Variants in NIPBL observed in about 807,000 individuals in gnomAD.
NIPBL encodes the protein nipped-B-like protein.
NIPBL carries 19 observed loss-of-function variants against 321.8 expected under a neutral mutation model. The observed-to-expected ratio is 0.06, with a 90% confidence interval of 0.04 to 0.09. NIPBL has a LOEUF of 0.09. Ranked by LOEUF, NIPBL falls within the 10% of genes least tolerant of loss-of-function variation. The pLI, the probability that NIPBL is intolerant of heterozygous loss-of-function variation, is 1.00. For synonymous variants in NIPBL, 1,106 were observed against 1,114.1 expected, an observed-to-expected ratio of 0.99 and a Z score of 0.14; for missense variants, 2,210 against 3,327.0, an observed-to-expected ratio of 0.66 and a Z score of 8.26.
At chr5:37,013,079 G>T (rs1431314136) in intron 21 of NIPBL, among the ~76,000 whole-genome samples, 3 of 150,102 alleles carry the variant, frequency 2.0e-5, no homozygotes, top group Non-Finnish European at 4.5e-5. Context: ...GGGGCAGCTG[G>T]CCGGGCAGAG....
chr5:37,017,635 G>A (rs1229170633), intron 24 of NIPBL, among the ~76,000 whole-genome samples: 2 of 150,604 alleles, frequency 1.3e-5, no homozygotes, highest in Admixed American at 6.6e-5. Flanking sequence ...TGGATGAAGT[G>A]GTAGTAATAA....
Position 36,985,071 on chromosome 5 carries a change from G to C in NIPBL, c.1891G>C (p.Val631Leu), listed in dbSNP as rs142820200. 23 of 1,613,698 alleles carry C rather than the reference G, an allele frequency of 1.4e-5. No homozygotes were observed. The highest frequency in any genetic ancestry group is 1.6e-5 in the Non-Finnish European group (19 of 1,179,934). Residue 631 changes from valine to leucine, a missense_variant, in exon 10 of 47, where the codon GTG becomes CTG. By Grantham distance (32) the Val-to-Leu change is conservative. This residue lies in a region of NIPBL where 588 missense variants were observed against 564.1 expected (regional missense o/e 1.04). Transcript: ENST00000282516. ...ATCTAAACCAAATGAAAACCGATTGGTGGAGACAAAATCAAGTGAAAATAA... is the reference window on the plus strand; with the variant it reads ...ATCTAAACCAAATGAAAACCGATTGCTGGAGACAAAATCAAGTGAAAATAA... Reference protein sequence around the residue: ...AESKPNENRLVETKSSENKLE... With the variant: ...AESKPNENRLLETKSSENKLE...
In NIPBL at chr5:37,036,510, T is replaced by A. The variant is rs1051640333; in HGVS notation, c.5971+23T>A. On this transcript the variant is annotated intron_variant, in intron 33 of 46. Coordinates refer to ENST00000282516, the MANE Select transcript of NIPBL (RefSeq NM_133433.4). ...CTGGTAAGACATTTTATATATATAT[T>A]GATCTTTAGTTGATTTTATAAGATA... 7.3e-6 allele frequency: 7 copies of A among 965,164 alleles called. No homozygotes were observed. In the South Asian group the frequency reaches 9.8e-5, roughly 13 times the overall value. The allele number at this position is 965,164 out of a possible 1,614,324, so 59.8% of individuals were successfully genotyped here.
At chr5:37,012,570 A>G (rs1259437440) in intron 21 of NIPBL, among the ~76,000 whole-genome samples, 2 of 151,818 alleles carry the variant, frequency 1.3e-5, no homozygotes, top group Non-Finnish European at 2.9e-5. Flanking sequence ...ACAAGTGAAC[A>G]AAGGTCTCTG....
chr5:36,986,541 A>C (rs2149647499), intron 10 of NIPBL, among the ~76,000 whole-genome samples: 1 of 151,954 alleles, frequency 6.6e-6, no homozygotes, highest in South Asian at 2.1e-4. Flanking sequence ...TGTTACTGCT[A>C]TTTGGTTACA....
chr5:37,020,538 A>T lies in NIPBL; in HGVS notation c.5090A>T (p.Asp1697Val). The change falls in exon 26 of 47, where the codon GAT becomes GTT. Residue 1697 changes from aspartate (D) to valine (V), a missense_variant. By Grantham distance (152) the Asp-to-Val change is radical (BLOSUM62 -3). Around this residue, in one of 14 missense-constraint regions of NIPBL, gnomAD observed 138 missense variants for 175.8 expected, o/e 0.79. Transcript: ENST00000282516. ...ETEKAMKSQKDEESSEGTHHA... is the reference protein window; with the variant it reads ...ETEKAMKSQKVEESSEGTHHA... ...GAAAAAGCAATGAAATCACAAAAAGATGAAGAATCATCTGAAGGAACACAT... is the reference window on the plus strand; with the variant it reads ...GAAAAAGCAATGAAATCACAAAAAGTTGAAGAATCATCTGAAGGAACACAT... 6.2e-7 allele frequency: 1 copy of T among 1,614,024 alleles called. No homozygotes were observed. Among genetic ancestry groups the T allele is most frequent in the East Asian group, 2.2e-5 (1 of 44,850 alleles).
At chr5:37,016,935 T>A in intron 23 of NIPBL, 84 bp from the exon 24 acceptor site, 1 of 1,004,816 alleles carries the variant, frequency 1.0e-6, no homozygotes, top group South Asian at 1.9e-5. Flanking sequence ...ATTATACAAT[T>A]TAGATTGGGA....
At chr5:37,043,941 G>A (rs983049873) in intron 34 of NIPBL, among the ~76,000 whole-genome samples, 1 of 152,172 alleles carries the variant, frequency 6.6e-6, no homozygotes, top group African/African-American at 2.4e-5. Flanking sequence ...AAATACTCCT[G>A]TGTCAGGATA....
intron 42 of NIPBL, among the ~76,000 whole-genome samples, chr5:37,052,771 T>G (rs1753703724): frequency 6.6e-6 from 1 of 152,192 alleles, no homozygotes; most frequent in Non-Finnish European, 1.5e-5. Context: ...TGAGGAATAA[T>G]GTATAATTTT....
chr5:36,937,560 A>G (rs1037431332), intron 1 of NIPBL, among the ~76,000 whole-genome samples: 1 of 151,962 alleles, frequency 6.6e-6, no homozygotes, highest in Non-Finnish European at 1.5e-5. Context: ...TTTTCCCAAG[A>G]AAAGAGAAGA....
intron 24 of NIPBL, among the ~76,000 whole-genome samples, chr5:37,017,684 C>G (rs1749147402): frequency 6.6e-6 from 1 of 151,084 alleles, no homozygotes; most frequent in Admixed American, 6.6e-5. Flanking sequence ...GATTTCTAAT[C>G]CTACTATATA....
At chr5:36,992,710 T>TTTTATTTATTTA (rs70976270) in intron 10 of NIPBL, among the ~76,000 whole-genome samples, 1,625 of 137,702 alleles carry the variant, frequency 0.012, 19 homozygotes, top group African/African-American at 0.027. Context: ...AAGTCATGCA[T>TTTTATTTATTTA]TTTATTTATT....
At chr5:36,947,759 A>C (rs1421441491) in intron 1 of NIPBL, among the ~76,000 whole-genome samples, 2 of 151,958 alleles carry the variant, frequency 1.3e-5, no homozygotes, top group Non-Finnish European at 2.9e-5. Flanking sequence ...ATAAAAGTCC[A>C]AGGAGTACAG....
chr5:36,992,401 A>G (rs1420049934), intron 10 of NIPBL, among the ~76,000 whole-genome samples: 1 of 152,232 alleles, frequency 6.6e-6, no homozygotes, highest in Non-Finnish European at 1.5e-5. Context: ...GTTTGCATTT[A>G]ATGGATTATT....
intron 1 of NIPBL, among the ~76,000 whole-genome samples, chr5:36,931,398 G>A (rs558260510): frequency 4.6e-5 from 7 of 151,772 alleles, no homozygotes; most frequent in African/African-American, 1.4e-4. Flanking sequence ...GCTCACTGCA[G>A]CCTCTGCCTC....
intron 4 of NIPBL, 93 bp downstream of exon 4, chr5:36,958,324 T>G: frequency 7.7e-7 from 1 of 1,303,456 alleles, no homozygotes; most frequent in Non-Finnish European, 1.1e-6. Context: ...CTATCAGGAA[T>G]GCGATGTTTA....
chr5:37,045,528 C>T lies in NIPBL; in HGVS notation c.6429C>T (p.Ser2143=), dbSNP rs1393544960. 1 of 1,613,934 alleles carries T rather than the reference C, an allele frequency of 6.2e-7. No homozygotes were observed. The highest frequency in any genetic ancestry group is 1.7e-5 in the Admixed American group (1 of 59,992). The part of the protein sequence containing the change: ...LLTNKPALLR[S]LFTVGALCRH... ...CAAACAAACCAGCACTTCTTAGATC[C>T]CTTTTCACCGTTGGAGCACTATGTC... Residue 2143 remains serine (S), a synonymous_variant, in exon 37 of 47, where the codon TCC becomes TCT. Coordinates refer to ENST00000282516, the MANE Select transcript of NIPBL (RefSeq NM_133433.4).
intron 1 of NIPBL, among the ~76,000 whole-genome samples, chr5:36,898,806 G>A (rs1391256981): frequency 6.6e-6 from 1 of 152,056 alleles, no homozygotes; most frequent in Non-Finnish European, 1.5e-5. Flanking sequence ...ACCACACCTG[G>A]CATGTTTTTC....
chr5:36,998,840 A>G (rs16903443), intron 11 of NIPBL, among the ~76,000 whole-genome samples: 2,142 of 152,294 alleles, frequency 0.014, 55 homozygotes, highest in African/African-American at 0.05. Flanking sequence ...GGAATGTACT[A>G]GAGCATACTG....
Sources: allele counts gnomAD v4.1 joint callset (sites outside exome capture counted in the v4.1 genomes callset), GRCh38; gene constraint gnomAD v4.1.1; regional missense constraint gnomAD v4.1.1; transcripts MANE v1.5; gene names NCBI Gene and HGNC (gene_info 2026-07-23, HGNC 2026-07-21).